The following PCDHGB7 variants were observed in gnomAD, a reference collection of about 807,000 sequenced individuals.
The protein encoded by PCDHGB7 is protocadherin gamma-B7.
A neutral mutation model predicts 61.4 loss-of-function variants in PCDHGB7; 37 were observed. The observed-to-expected ratio is 0.60, with a 90% CI of 0.46 to 0.79. The LOEUF (loss-of-function observed/expected upper bound fraction) is 0.79. Ranked by LOEUF, PCDHGB7 falls within the 30% of genes least tolerant of loss-of-function variation. PCDHGB7 has a pLI of 0.00. For synonymous variants in PCDHGB7, 464 were observed against 503.5 expected, an observed-to-expected ratio of 0.92 and a Z score of 1.05; for missense variants, 1,166 against 1,202.5, an observed-to-expected ratio of 0.97 and a Z score of 0.45.
chr5:141,450,645 C>T (rs2098688869), intron 1 of PCDHGB7, among the ~76,000 whole-genome samples: 2 of 151,618 alleles, frequency 1.3e-5, no homozygotes, highest in Non-Finnish European at 2.9e-5. Context: ...TGCCACCATG[C>T]CTGGCTAATT....
Position 141,485,567 on chromosome 5 carries a change from C to G in PCDHGB7, c.2416-9240C>G. The stretch of plus-strand genomic sequence containing the variant: ...CGTAGATGTGAATGATCACGCCCCC[C>G]GTTTTCCGCGGCAGCAGCTGGACTT... On this transcript the variant is annotated intron_variant, in intron 1 of 3. Transcript: ENST00000398594. This position sits in a 1 kb window ranked among gnomAD's most constrained non-coding sequence, Gnocchi z 5.7. 1 of 1,612,882 alleles carries G rather than the reference C, an allele frequency of 6.2e-7. No individual in the cohort carries two copies. The highest frequency in any genetic ancestry group is 8.5e-7 in the Non-Finnish European group (1 of 1,178,978).
chr5:141,439,176 T>C (rs1044289122), intron 1 of PCDHGB7, among the ~76,000 whole-genome samples: 3 of 146,068 alleles, frequency 2.1e-5, no homozygotes, highest in African/African-American at 7.8e-5. Context: ...CTGGGCGACA[T>C]AGTGAGACTC....
intron 1 of PCDHGB7, among the ~76,000 whole-genome samples, chr5:141,425,133 A>T (rs1311425564): frequency 6.6e-6 from 1 of 152,200 alleles, no homozygotes; most frequent in Non-Finnish European, 1.5e-5. Flanking sequence ...GTCAAGAAAA[A>T]TGTTCAGGTA....
chr5:141,421,782 C>A, intron 1 of PCDHGB7: 1 of 1,613,878 alleles, frequency 6.2e-7, no homozygotes, highest in Non-Finnish European at 8.5e-7. Context: ...AACTGCGGGG[C>A]AGAACGGATG....
intron 3 of PCDHGB7, among the ~76,000 whole-genome samples, chr5:141,509,420 G>A (rs1384424118): frequency 6.6e-6 from 1 of 152,128 alleles, no homozygotes; most frequent in East Asian, 1.9e-4. Context: ...GAGCCCCAAT[G>A]AGTCAAACTC....
chr5:141,426,806 T>C (rs1390972821), intron 1 of PCDHGB7: 1 of 456,600 alleles, frequency 2.2e-6, no homozygotes, highest in Non-Finnish European at 4.4e-6. Context: ...TCAGTTCTAA[T>C]GAACATTTCT....
intron 1 of PCDHGB7, chr5:141,424,789 A>T (rs538504226): frequency 2.0e-5 from 3 of 152,238 alleles, no homozygotes; most frequent in African/African-American, 7.2e-5. Flanking sequence ...CAGTTCTTTT[A>T]TTCAGACCAA....
chr5:141,465,312 A>G (rs2099100692), intron 1 of PCDHGB7, among the ~76,000 whole-genome samples: 1 of 152,314 alleles, frequency 6.6e-6, no homozygotes, highest in South Asian at 2.1e-4. Flanking sequence ...GAATTTAGCC[A>G]TGTCAATGCA....
Position 141,419,308 on chromosome 5 carries a change from C to G in PCDHGB7, c.1449C>G (p.Leu483=). 1 of 1,614,026 alleles carries G rather than the reference C, an allele frequency of 6.2e-7. No homozygotes were observed. Among genetic ancestry groups the G allele is most frequent in the Non-Finnish European group, 8.5e-7 (1 of 1,179,904 alleles). Residue 483 remains leucine, a synonymous_variant, in exon 1 of 4, where the codon CTC becomes CTG. Coordinates refer to ENST00000398594, the MANE Select transcript of PCDHGB7 (RefSeq NM_018927.4). ...QVSASDPDFG[L]NGRVSYSLIA... is the part of the protein sequence containing the mutation. ...GTGCCTCTGACCCAGACTTCGGGCTCAACGGCCGTGTCTCCTACTCTCTCA... is the reference window on the plus strand; with the variant it reads ...GTGCCTCTGACCCAGACTTCGGGCTGAACGGCCGTGTCTCCTACTCTCTCA...
rs369942815 is a variant in PCDHGB7, at chr5:141,485,334, T to A, written c.2416-9473T>A. 5.4e-5 allele frequency: 87 copies of A among 1,614,056 alleles called. No individual in the cohort carries two copies. Among genetic ancestry groups the A allele is most frequent in the Non-Finnish European group, 7.0e-5 (83 of 1,180,026 alleles). On this transcript the variant is annotated intron_variant, in intron 1 of 3. Coordinates refer to ENST00000398594, the MANE Select transcript of PCDHGB7 (RefSeq NM_018927.4). The surrounding 1 kb of genome is among the most constrained non-coding windows in gnomAD (Gnocchi z 5.7). Reference sequence around the variant, plus strand: ...GGGAATGTCGCTCAAGATTTCCTGCTGGATACGGACAGTCTGTCAGCTCGC... The same window carrying A: ...GGGAATGTCGCTCAAGATTTCCTGCAGGATACGGACAGTCTGTCAGCTCGC...
intron 1 of PCDHGB7, among the ~76,000 whole-genome samples, chr5:141,461,644 A>C (rs1266858748): frequency 1.3e-5 from 2 of 151,868 alleles, no homozygotes; most frequent in Non-Finnish European, 2.9e-5. Flanking sequence ...TTCTTCTTTG[A>C]CCCATGGATT....
Position 141,476,667 on chromosome 5 carries a change from T to C in PCDHGB7, c.2416-18140T>C. 6.2e-7 allele frequency: 1 copy of C among 1,614,234 alleles called. No individual in the cohort carries two copies. Among genetic ancestry groups the C allele is most frequent in the Non-Finnish European group, 8.5e-7 (1 of 1,180,042 alleles). ...CGAAATGAATACTTTGCGCTTCGCG[T>C]GCAGACGCGGGAGGACAGCACCAAG... On this transcript the variant is annotated intron_variant, in intron 1 of 3. Transcript: ENST00000398594. The surrounding 1 kb of genome is among the most constrained non-coding windows in gnomAD (Gnocchi z 7.6).
chr5:141,465,997 C>T (rs1344380021), intron 1 of PCDHGB7, among the ~76,000 whole-genome samples: 1 of 151,918 alleles, frequency 6.6e-6, no homozygotes, highest in Non-Finnish European at 1.5e-5. Context: ...TGGCAGGCAC[C>T]TGTAGTCCCA....
chr5:141,490,181 G>T lies in PCDHGB7; in HGVS notation c.2416-4626G>T, dbSNP rs755899660. ...GGTCCCATAGACTTTGAGGAGTCAC[G>T]TTTCTATGAAATTCATGCAAGAGCC... is the stretch of plus-strand genomic sequence containing the variant. On this transcript the variant is annotated intron_variant, in intron 1 of 3. Coordinates refer to ENST00000398594, the MANE Select transcript of PCDHGB7 (RefSeq NM_018927.4). The surrounding 1 kb of genome is among the most constrained non-coding windows in gnomAD (Gnocchi z 5.4). The T allele has an allele frequency of 6.2e-7, 1 of 1,614,200 alleles. No individual in the cohort carries two copies. The highest frequency in any genetic ancestry group is 8.5e-7 in the Non-Finnish European group (1 of 1,180,030).
At chr5:141,482,530 CAAAAAAAAA>C (rs3074545) in intron 1 of PCDHGB7, among the ~76,000 whole-genome samples, 16 of 76,560 alleles carry the variant, frequency 2.1e-4, no homozygotes, top group African/African-American at 7.7e-4. Context: ...GACAGACATG[CAAAAAAAAA>C]AAAAAAAAAA....
intron 1 of PCDHGB7, among the ~76,000 whole-genome samples, chr5:141,484,675 T>C (rs1179759392): frequency 6.6e-6 from 1 of 152,042 alleles, no homozygotes; most frequent in African/African-American, 2.4e-5. Context: ...GGGCCGCAGG[T>C]TGCTAGGGCT....
intron 1 of PCDHGB7, among the ~76,000 whole-genome samples, chr5:141,466,449 T>C (rs2154569205): frequency 6.6e-6 from 1 of 152,358 alleles, no homozygotes; most frequent in Admixed American, 6.5e-5. Flanking sequence ...ATGTCTATGG[T>C]GTTGGCTATT....
chr5:141,444,329 G>T (rs536314842), intron 1 of PCDHGB7, among the ~76,000 whole-genome samples: 1 of 151,792 alleles, frequency 6.6e-6, no homozygotes, highest in Admixed American at 6.6e-5. Context: ...GTGCCACCAC[G>T]CCCAGCTAAT....
intron 1 of PCDHGB7, among the ~76,000 whole-genome samples, chr5:141,436,531 G>T (rs1365651055): frequency 6.6e-6 from 1 of 152,152 alleles, no homozygotes; most frequent in African/African-American, 2.4e-5. Context: ...CCTTTAGCAA[G>T]TTATTTAATC....
Sources: gnomAD v4.1 joint callset for allele counts (sites outside exome capture counted in the v4.1 genomes callset) on GRCh38, gnomAD v4.1.1 for gene constraint, Gnocchi (gnomAD v3.1) non-coding constraint, MANE v1.5 for transcripts, NCBI Gene and HGNC (gene_info 2026-07-23, HGNC 2026-07-21) for gene names.